The following FRMPD4 variants were observed in gnomAD, a reference collection of about 807,000 sequenced individuals.
The protein encoded by FRMPD4 is FERM and PDZ domain-containing protein 4.
Under a neutral mutation model 94.1 loss-of-function variants are expected in FRMPD4, and 22 were observed. That is an observed-to-expected ratio of 0.23 (90% CI 0.17 to 0.33). The LOEUF (loss-of-function observed/expected upper bound fraction) is 0.33, where lower values mean the gene tolerates loss of function less well. Among genes scored for constraint, FRMPD4 ranks in the 10% least tolerant of loss-of-function variants. The pLI is 1.00. For missense variants in FRMPD4, 1,111 were observed against 1,339.9 expected, an observed-to-expected ratio of 0.83 and a Z score of 2.67; for synonymous variants, 631 against 548.6, an observed-to-expected ratio of 1.15 and a Z score of -2.10.
chrX:12,648,084 C>A (rs1245018911), intron 4 of FRMPD4, among the ~76,000 whole-genome samples: 2 of 111,684 alleles, frequency 1.8e-5, no homozygotes, highest in Non-Finnish European at 3.8e-5. Context: ...ACATCCCCAA[C>A]CTTTTTGACA....
intron 1 of FRMPD4, among the ~76,000 whole-genome samples, chrX:12,226,883 A>G (rs1471308525): frequency 9.1e-6 from 1 of 109,900 alleles, no homozygotes; most frequent in Non-Finnish European, 1.9e-5. Flanking sequence ...AGGAGGCACT[A>G]TATTTTAGAA....
At chrX:12,321,071 T>A in intron 1 of FRMPD4, among the ~76,000 whole-genome samples, 1 of 112,336 alleles carries the variant, frequency 8.9e-6, no homozygotes, top group Non-Finnish European at 1.9e-5. Flanking sequence ...TATTCCATAA[T>A]CATGGCTAAG....
intron 4 of FRMPD4, among the ~76,000 whole-genome samples, chrX:12,637,936 T>C (rs1295989445): frequency 1.8e-5 from 2 of 112,247 alleles, no homozygotes; most frequent in Admixed American, 9.4e-5. Flanking sequence ...TTACATGATA[T>C]CTAAGTCAAA....
At chrX:12,346,482 G>A (rs1034491155) in intron 1 of FRMPD4, among the ~76,000 whole-genome samples, 8 of 111,081 alleles carry the variant, frequency 7.2e-5, no homozygotes, top group Non-Finnish European at 1.5e-4. Context: ...TAATATCTTG[G>A]CTTACATTGC....
intron 5 of FRMPD4, among the ~76,000 whole-genome samples, chrX:12,679,941 G>A (rs1000387976): frequency 4.5e-5 from 5 of 111,830 alleles, no homozygotes; most frequent in Non-Finnish European, 9.4e-5. Flanking sequence ...CTTGTCTTAG[G>A]TCTGCATTTT....
intron 1 of FRMPD4, among the ~76,000 whole-genome samples, chrX:12,176,101 G>T (rs5979533): frequency 0.17 from 18,502 of 111,111 alleles, 1,961 homozygotes; most frequent in African/African-American, 0.39. Context: ...GAACAGAGTT[G>T]GGAAGACATG....
In FRMPD4 at chrX:12,710,392, T is replaced by C. The variant is rs2041962677; in HGVS notation, c.1471-7T>C. Reference sequence around the variant, plus strand: ...TGGCTTTAACCAAAGTGTTCTCTTTTGTGTAGCCTATCACGCTTCTGATGG... The same window carrying C: ...TGGCTTTAACCAAAGTGTTCTCTTTCGTGTAGCCTATCACGCTTCTGATGG... On this transcript the variant is annotated splice_polypyrimidine_tract_variant and splice_region_variant and intron_variant, in intron 13 of 16. Coordinates refer to ENST00000675598, the MANE Select transcript of FRMPD4 (RefSeq NM_001368397.1). The C allele has an allele frequency of 8.4e-7, 1 of 1,196,050 alleles. No homozygotes were observed.
chrX:12,307,946 A>G (rs1569226118), intron 1 of FRMPD4, among the ~76,000 whole-genome samples: 1 of 111,390 alleles, frequency 9.0e-6, no homozygotes, highest in Non-Finnish European at 1.9e-5. Context: ...TAAAGTGTAG[A>G]GATGTGTGGG....
chrX:12,430,427 C>G (rs2056998286), intron 1 of FRMPD4, among the ~76,000 whole-genome samples: 1 of 112,327 alleles, frequency 8.9e-6, no homozygotes, highest in Non-Finnish European at 1.9e-5. Flanking sequence ...CATCAGTCTC[C>G]CAAACCAGAT....
At chrX:12,123,490 T>C (rs1271520573) in intron 3 of FRMPD4, among the ~76,000 whole-genome samples, 1 of 111,582 alleles carries the variant, frequency 9.0e-6, no homozygotes, top group East Asian at 2.8e-4. Flanking sequence ...AGCATCTCTC[T>C]CCATTGCTTG....
chrX:12,438,644 C>T (rs1419653802), intron 1 of FRMPD4, among the ~76,000 whole-genome samples: 2 of 110,908 alleles, frequency 1.8e-5, no homozygotes, highest in Non-Finnish European at 3.8e-5. Flanking sequence ...TTCAGTGCAT[C>T]ACATGTCACC....
chrX:12,624,748 G>T (rs1265875322), intron 4 of FRMPD4, among the ~76,000 whole-genome samples: 1 of 111,248 alleles, frequency 9.0e-6, no homozygotes, highest in Non-Finnish European at 1.9e-5. Flanking sequence ...GAGAAAAGGG[G>T]CCAGAAAGTA....
At chrX:12,631,092 C>A (rs1207834210) in intron 4 of FRMPD4, among the ~76,000 whole-genome samples, 1 of 111,304 alleles carries the variant, frequency 9.0e-6, no homozygotes, top group Admixed American at 9.6e-5. Context: ...AGGTGTACAG[C>A]GCTTTTCCTC....
intron 1 of FRMPD4, among the ~76,000 whole-genome samples, chrX:12,203,671 T>C (rs1489408181): frequency 1.8e-5 from 2 of 112,418 alleles, no homozygotes; most frequent in Non-Finnish European, 3.8e-5. Context: ...TTAATTCCTT[T>C]CCTTCAAAAC....
At chrX:11,865,036 CACATTTTAT>C (rs1199852474) in intron 1 of FRMPD4, among the ~76,000 whole-genome samples, 2 of 111,590 alleles carry the variant, frequency 1.8e-5, no homozygotes, top group African/African-American at 6.5e-5. Flanking sequence ...AAATGTGTAA[CACATTTTAT>C]ACAAAGAAGA....
chrX:12,099,094 T>G (rs2055232837), intron 3 of FRMPD4, among the ~76,000 whole-genome samples: 2 of 91,898 alleles, frequency 2.2e-5, no homozygotes, highest in African/African-American at 3.9e-5. Flanking sequence ...GGGGGAGGGA[T>G]AGCACTGGGA....
chrX:12,158,341 T>G (rs1163412413), intron 1 of FRMPD4, among the ~76,000 whole-genome samples: 1 of 112,101 alleles, frequency 8.9e-6, no homozygotes, highest in African/African-American at 3.2e-5. Context: ...ACATTGGATC[T>G]TTGAGTCTCT....
intron 1 of FRMPD4, among the ~76,000 whole-genome samples, chrX:12,389,639 T>C (rs1488650901): frequency 8.9e-6 from 1 of 112,068 alleles, no homozygotes; most frequent in African/African-American, 3.2e-5. Flanking sequence ...TATATACAAT[T>C]ATAAATGGTC....
chrX:12,678,053 C>CT (rs1490483564), intron 5 of FRMPD4, among the ~76,000 whole-genome samples: 1 of 112,009 alleles, frequency 8.9e-6, no homozygotes, highest in African/African-American at 3.2e-5. Flanking sequence ...TCCTTCCAGT[C>CT]TTTTTTTCTA....
Sources: gnomAD v4.1 joint callset for allele counts (sites outside exome capture counted in the v4.1 genomes callset) on GRCh38, gnomAD v4.1.1 for gene constraint, MANE v1.5 for transcripts, NCBI Gene and HGNC (gene_info 2026-07-23, HGNC 2026-07-21) for gene names.